The following AGRN variants were observed in gnomAD, a reference collection of about 807,000 sequenced individuals.
AGRN encodes the protein agrin.
Under a neutral mutation model 211.0 loss-of-function variants are expected in AGRN, and 106 were observed. The observed-to-expected ratio is 0.50, with a 90% CI of 0.43 to 0.59. The LOEUF (loss-of-function observed/expected upper bound fraction) is 0.59, where lower values mean the gene tolerates loss of function less well. Ranked by LOEUF, AGRN falls within the 20% of genes least tolerant of loss-of-function variation. The pLI is 0.00. For missense variants in AGRN, 3,040 were observed against 2,982.6 expected (o/e 1.02, Z -0.45); for synonymous variants, 1,525 against 1,332.5 (o/e 1.14, Z -3.15).
chr1:1,023,669 G>A (rs1328106100), intron 2 of AGRN, among the ~76,000 whole-genome samples: 5 of 152,184 alleles, frequency 3.3e-5, no homozygotes, highest in Non-Finnish European at 7.4e-5. Flanking sequence ...ACAGCCAGGT[G>A]GGTCCAGCCC....
chr1:1,049,079 G>A lies in AGRN; in HGVS notation c.4298+20G>A. ...GCTCAGGTGGGCGGGGAGGGGACGG[G>A]GCCGGGGCAGCTCAGGTGGGCGGGG... is the stretch of plus-strand genomic sequence containing the variant. On this transcript the variant is annotated intron_variant, in intron 24 of 35. Transcript: ENST00000379370. The A allele has an allele frequency of 1.4e-6, 2 of 1,475,244 alleles. No homozygotes were observed. The highest frequency in any genetic ancestry group is 1.8e-6 in the Non-Finnish European group (2 of 1,112,032). 91.4% of individuals were successfully genotyped at this position (1,475,244 alleles called of 1,614,324 possible).
At chr1:1,051,858 C>T in intron 33 of AGRN, 43 bp downstream of exon 33, 3 of 1,610,314 alleles carry the variant, frequency 1.9e-6, no homozygotes, top group Non-Finnish European at 2.5e-6. Flanking sequence ...CATCTGTGCC[C>T]TCGGGGCGGG....
intron 14 of AGRN, 24 bp from the exon 15 acceptor site, chr1:1,045,709 G>A (rs763329787): frequency 3.0e-5 from 49 of 1,613,074 alleles, no homozygotes; most frequent in African/African-American, 1.1e-4. Context: ...CGGACATCAC[G>A]TTCCTCCCCG....
At chr1:1,054,083 C>CT in intron 34 of AGRN, 106 bp downstream of exon 34, 5 of 1,255,880 alleles carry the variant, frequency 4.0e-6, no homozygotes, top group Non-Finnish European at 5.6e-6. Context: ...GAGGACACGC[C>CT]TTGCTGCCTG....
chr1:1,049,652 T>C lies in AGRN; in HGVS notation c.4601T>C (p.Ile1534Thr), dbSNP rs1645215172. 6.3e-7 allele frequency: 1 copy of C among 1,583,616 alleles called. No homozygotes were observed. The highest frequency in any genetic ancestry group is 8.6e-7 in the Non-Finnish European group (1 of 1,165,876). The change falls in exon 26 of 36, where the codon ATT (isoleucine) becomes ACT (threonine). Residue 1534 changes from isoleucine to threonine, a missense_variant. This residue lies in a region of AGRN where 1,537 missense variants were observed against 1,505.0 expected (regional missense o/e 1.02). Transcript: ENST00000379370. ...DVNNQRLELGIGPGAATRGSG... is the reference protein window; with the variant it reads ...DVNNQRLELGTGPGAATRGSG... ...AACAACCAGCGCCTGGAGCTTGGCA[T>C]TGGGCCGGGGGCTGCCACCCGAGGC...
chr1:1,049,838 C>G lies in AGRN; in HGVS notation c.4744+43C>G, dbSNP rs374081030. 4.0e-5 allele frequency: 64 copies of G among 1,610,756 alleles called. No homozygotes were observed. In the African/African-American group the frequency reaches 7.7e-4, roughly 20 times the overall value. ...GCGGGTGGGAGTGGGACCCCGGGGC[C>G]TGTGGGCGGTACCCAACCGACGCCT... On this transcript the variant is annotated intron_variant, in intron 26 of 35. Coordinates refer to ENST00000379370, the MANE Select transcript of AGRN (RefSeq NM_198576.4).
intron 12 of AGRN, among the ~76,000 whole-genome samples, 176 bp downstream of exon 12, chr1:1,044,615 G>C (rs765893742): frequency 1.3e-5 from 2 of 152,174 alleles, no homozygotes. Flanking sequence ...GCGTGTGTGG[G>C]CGTGTGTGTC....
rs1286044353 is a variant in AGRN, at chr1:1,049,395, C to T, written c.4458C>T (p.Gly1486=). The T allele has an allele frequency of 3.1e-6, 5 of 1,598,992 alleles. No homozygotes were observed. Among genetic ancestry groups the T allele is most frequent in the African/African-American group, 2.7e-5 (2 of 75,000 alleles). The part of the protein sequence containing the change: ...VLGESPSGTD[G]LNLDTDLFVG... ...GCGAGAGTCCCAGTGGCACCGACGG[C>T]CTCAACCTGGACACAGACCTCTTTG... Residue 1486 remains glycine, a synonymous_variant, in exon 25 of 36, where the codon GGC becomes GGT. Coordinates refer to ENST00000379370, the MANE Select transcript of AGRN (RefSeq NM_198576.4).
At position 1,056,043 on chromosome 1, in the gene AGRN, G is replaced by A. The variant is rs912085117; in HGVS notation, c.*1062G>A. ...ACCCGATGAAGCGGGCGGCGGTGGG[G>A]CTGGGTGCCGTGTTACTAACTCTAG... On this transcript the variant is annotated 3_prime_UTR_variant, in exon 36 of 36. Coordinates refer to ENST00000379370, the MANE Select transcript of AGRN (RefSeq NM_198576.4). 6.6e-6 allele frequency: 1 copy of A among 152,346 alleles called. No individual in the cohort carries two copies. The highest frequency in any genetic ancestry group is 2.4e-5 in the African/African-American group (1 of 41,470). The allele number at this position is 152,346 out of a possible 1,614,324, so 9.4% of individuals were successfully genotyped here.
At chr1:1,051,934 C>A in intron 33 of AGRN, 119 bp downstream of exon 33, 2 of 1,549,152 alleles carry the variant, frequency 1.3e-6, no homozygotes, top group Non-Finnish European at 1.7e-6. Flanking sequence ...TCTGTCCTCC[C>A]GCCTCTCTCT....
chr1:1,050,110 A>G, intron 27 of AGRN, 73 bp downstream of exon 27: 1 of 1,575,854 alleles, frequency 6.3e-7, no homozygotes, highest in Admixed American at 1.7e-5. Flanking sequence ...GGTTCCAGGT[A>G]GCATTGCAGT....
intron 34 of AGRN, 49 bp from the exon 35 acceptor site, chr1:1,054,399 G>T (rs1199433035): frequency 6.7e-7 from 1 of 1,485,478 alleles, no homozygotes; most frequent in East Asian, 2.5e-5. Flanking sequence ...TCTAGAGGAG[G>T]CAGAGGGAAC....
Position 1,046,664 on chromosome 1 carries a change from C to T in AGRN, c.3179C>T (p.Ser1060Phe). The stretch of plus-strand genomic sequence containing the variant: ...CTGGTGGCGTCCGCCTTTGGTGAAT[C>T]TGGCAGCACTGATGGAAGCAGCGAT... ...PSLVASAFGE[S>F]GSTDGSSDEE... Residue 1060 changes from serine to phenylalanine, a missense_variant, in exon 18 of 36, where the codon TCT (serine) becomes TTT (phenylalanine). By Grantham distance (155) the Ser-to-Phe change is radical. Coordinates refer to ENST00000379370, the MANE Select transcript of AGRN (RefSeq NM_198576.4). 6.3e-7 allele frequency: 1 copy of T among 1,592,172 alleles called. No homozygotes were observed.
chr1:1,046,593 GC>G lies in AGRN; in HGVS notation c.3111del (p.Val1038CysfsTer2). On this transcript the variant is annotated frameshift_variant, in exon 18 of 36. Coordinates refer to ENST00000379370, the MANE Select transcript of AGRN (RefSeq NM_198576.4). LOFTEE classifies it high-confidence loss of function. Reference sequence around the variant, plus strand: ...CCAGCGTCCCCAGGACCACCGTGTGGCCCGTGCTGACGGTGCCCCCCACGGC... The same window carrying G: ...CCAGCGTCCCCAGGACCACCGTGTGGCCGTGCTGACGGTGCCCCCCACGGC... ...TASVPRTTVW[P>X]VLTVPPTAPS... The G allele has an allele frequency of 6.2e-7, 1 of 1,606,748 alleles. No homozygotes were observed.
rs560512472 is a variant in AGRN, at chr1:1,051,575, C to T, written c.5493C>T (p.Ser1831=). 111 of 1,596,194 alleles carry T rather than the reference C, an allele frequency of 7.0e-5. No homozygotes were observed. The South Asian group carries it at 1.2e-3, about 17-fold the overall frequency. Residue 1831 remains serine (S), a synonymous_variant, in exon 32 of 36, where the codon TCC becomes TCT. Coordinates refer to ENST00000379370, the MANE Select transcript of AGRN (RefSeq NM_198576.4). ...GCCACCCCTGCCTCAATGGGGCCTC[C>T]TGCGTCCCGAGGGAGGCTGCCTATG... ...ASGHPCLNGA[S]CVPREAAYVC...
At chr1:1,038,076 T>G (rs1644843824) in intron 3 of AGRN, among the ~76,000 whole-genome samples, 1 of 152,076 alleles carries the variant, frequency 6.6e-6, no homozygotes, top group South Asian at 2.1e-4. Flanking sequence ...GCAGATGTGT[T>G]TCCAGCCTGG....
At position 1,037,963 on chromosome 1, in the gene AGRN, G is replaced by A. The variant is rs1644839983; in HGVS notation, c.511+2639G>A. On this transcript the variant is annotated intron_variant, in intron 3 of 35. Transcript: ENST00000379370. The stretch of plus-strand genomic sequence containing the variant: ...GATCCCCTAGGCCTGTGGAGACTCA[G>A]CACAGTGGTGGGAGCGGCCCCTCAC... 2.6e-5 allele frequency among the ~76,000 whole-genome samples: 4 copies of A among 152,212 alleles called. No individual in the cohort carries two copies. The South Asian group carries it at 6.2e-4, about 24-fold the overall frequency.
At chr1:1,020,989 C>A (rs751028695) in intron 1 of AGRN, among the ~76,000 whole-genome samples, 22 of 152,026 alleles carry the variant, frequency 1.4e-4, no homozygotes, top group Non-Finnish European at 3.1e-4. Flanking sequence ...CCTGGTTTCT[C>A]CTTCAGGTGC....
At position 1,041,196 on chromosome 1, in the gene AGRN, G is replaced by A. The variant is rs1216484445; in HGVS notation, c.751G>A (p.Val251Met). ...AGGCTCGCGGGACCCCTGCTCCAACGTGACCTGCAGCTTCGGCAGCACCTG... is the reference window on the plus strand; with the variant it reads ...AGGCTCGCGGGACCCCTGCTCCAACATGACCTGCAGCTTCGGCAGCACCTG... ...PCGSRDPCSN[V>M]TCSFGSTCAR... is the part of the protein sequence containing the mutation. The change falls in exon 5 of 36, where the codon GTG (valine) becomes ATG (methionine). Residue 251 changes from valine (V) to methionine (M), a missense_variant. Physicochemically the swap from Val to Met is conservative, Grantham distance 21. This residue lies in a region of AGRN where 1,498 missense variants were observed against 1,457.8 expected (regional missense o/e 1.03). Coordinates refer to ENST00000379370, the MANE Select transcript of AGRN (RefSeq NM_198576.4). The A allele has an allele frequency of 1.5e-5, 22 of 1,461,754 alleles. No individual in the cohort carries two copies. Among genetic ancestry groups the A allele is most frequent in the Admixed American group, 2.5e-5 (1 of 40,738 alleles). 90.5% of individuals were successfully genotyped at this position (1,461,754 alleles called of 1,614,324 possible).
Sources: gnomAD v4.1 joint callset for allele counts (sites outside exome capture counted in the v4.1 genomes callset) on GRCh38, gnomAD v4.1.1 for gene constraint, gnomAD v4.1.1 regional missense constraint, MANE v1.5 for transcripts, NCBI Gene and HGNC (gene_info 2026-07-23, HGNC 2026-07-21) for gene names.